Variants in RNF32 observed in about 807,000 individuals in gnomAD.
RNF32 encodes the protein ring finger protein 32.
A neutral mutation model predicts 41.0 loss-of-function variants in RNF32; 36 were observed. That is an observed-to-expected ratio of 0.88 (90% CI 0.67 to 1.16). The LOEUF (loss-of-function observed/expected upper bound fraction) is 1.16. Ranked by LOEUF, RNF32 falls within the 50% of genes most tolerant of loss-of-function variation. The pLI, the probability that RNF32 is intolerant of heterozygous loss-of-function variation, is 0.00. For missense variants in RNF32, 413 were observed against 436.7 expected, an observed-to-expected ratio of 0.95 and a Z score of 0.48; for synonymous variants, 154 against 160.9, an observed-to-expected ratio of 0.96 and a Z score of 0.32.
At chr7:156,665,846 C>T (rs1801269333) in intron 7 of RNF32, among the ~76,000 whole-genome samples, 2 of 152,194 alleles carry the variant, frequency 1.3e-5, no homozygotes, top group African/African-American at 2.4e-5. Flanking sequence ...AAAAACAAAA[C>T]ACCACGTACC....
intron 7 of RNF32, among the ~76,000 whole-genome samples, chr7:156,668,783 C>A (rs1400265971): frequency 1.3e-5 from 2 of 152,218 alleles, no homozygotes; most frequent in African/African-American, 4.8e-5. Context: ...TGTTCTATGG[C>A]AGCTGAGCAA....
chr7:156,675,915 G>A, intron 8 of RNF32, 52 bp downstream of exon 8: 1 of 1,573,502 alleles, frequency 6.4e-7, no homozygotes, highest in South Asian at 1.1e-5. Context: ...CAGCTGCAGA[G>A]GCTGTGGGGA....
intron 3 of RNF32, 68 bp from the exon 4 acceptor site, chr7:156,654,508 T>G (rs1799297720): frequency 1.4e-6 from 2 of 1,392,670 alleles, no homozygotes; most frequent in Non-Finnish European, 2.0e-6. Flanking sequence ...ATGGTGTCAT[T>G]AAAGTTATAG....
At position 156,644,561 on chromosome 7, in the gene RNF32, A is replaced by G; in HGVS notation, c.78A>G (p.Leu26=). ...VNAVALQDHI[L]HDLQLRNLSV... is the part of the protein sequence containing the mutation. ...CAGTTGCTTTACAAGATCACATTTT[A>G]CATGATCTTCAACTTCGAAATCTTT... The change falls in exon 3 of 9, where the codon TTA becomes TTG. Residue 26 remains leucine, a synonymous_variant. Coordinates refer to ENST00000317955, the MANE Select transcript of RNF32 (RefSeq NM_030936.4). 1 of 1,612,470 alleles carries G rather than the reference A, an allele frequency of 6.2e-7. No homozygotes were observed. Among genetic ancestry groups the G allele is most frequent in the East Asian group, 2.2e-5 (1 of 44,858 alleles).
rs528590513 is a variant in RNF32, at chr7:156,652,511, T to C, written c.275-2065T>C. On this transcript the variant is annotated intron_variant, in intron 3 of 8. Coordinates refer to ENST00000317955, the MANE Select transcript of RNF32 (RefSeq NM_030936.4). Reference sequence around the variant, plus strand: ...ATTTTCTGTCTCCTGATATATGTTTTTCTGTGAGATTACAGTCACGTGCCA... The same window carrying C: ...ATTTTCTGTCTCCTGATATATGTTTCTCTGTGAGATTACAGTCACGTGCCA... 5.9e-5 allele frequency among the ~76,000 whole-genome samples: 9 copies of C among 152,314 alleles called. No individual in the cohort carries two copies. The East Asian group carries it at 1.5e-3, about 26-fold the overall frequency.
At chr7:156,675,936 G>C (rs964904765) in intron 8 of RNF32, 73 bp downstream of exon 8, 3 of 1,457,714 alleles carry the variant, frequency 2.1e-6, no homozygotes, top group Admixed American at 1.7e-5. Context: ...GTGGCATGTG[G>C]GGGGAGGTCG....
At chr7:156,657,407 A>G (rs1799879673) in intron 4 of RNF32, 134 bp from the exon 5 acceptor site, 1 of 802,324 alleles carries the variant, frequency 1.2e-6, no homozygotes, top group Admixed American at 1.9e-5. Flanking sequence ...AAATAGTATA[A>G]ATATCAAAGT....
chr7:156,642,103 ATTTCT>A (rs1797423241), intron 1 of RNF32, among the ~76,000 whole-genome samples: 2 of 152,194 alleles, frequency 1.3e-5, no homozygotes, highest in African/African-American at 4.8e-5. Flanking sequence ...TTTTGGATTA[ATTTCT>A]TTCTATTTTT....
intron 1 of RNF32, among the ~76,000 whole-genome samples, chr7:156,641,994 T>C (rs752958348): frequency 6.6e-6 from 1 of 152,242 alleles, no homozygotes; most frequent in Non-Finnish European, 1.5e-5. Context: ...TCTCAGAGAT[T>C]TGGTTCCACT....
At position 156,677,013 on chromosome 7, in the gene RNF32, C is replaced by G. The variant is rs1267532832; in HGVS notation, c.*358C>G. The G allele has an allele frequency of 4.8e-6, 1 of 207,898 alleles. No homozygotes were observed. Among genetic ancestry groups the G allele is most frequent in the East Asian group, 1.1e-4 (1 of 8,924 alleles). 12.9% of individuals were successfully genotyped at this position (207,898 alleles called of 1,614,324 possible). A position where few individuals can be genotyped will look rare whatever the true frequency, so the allele number is the denominator to read the frequency against. On this transcript the variant is annotated 3_prime_UTR_variant, in exon 9 of 9. Transcript: ENST00000317955. ...CACTCCTTAAGTTCCAAATGTTTTC[C>G]GCTAATAGTCTGTCCTAAAGCCTTT... is the stretch of plus-strand genomic sequence containing the variant.
chr7:156,645,047 AG>A (rs1255482684), intron 3 of RNF32, among the ~76,000 whole-genome samples: 1 of 152,238 alleles, frequency 6.6e-6, no homozygotes, highest in Non-Finnish European at 1.5e-5. Context: ...ATGATGGAAA[AG>A]AAAAATCCCT....
intron 7 of RNF32, among the ~76,000 whole-genome samples, chr7:156,664,639 G>A (rs1360337840): frequency 2.0e-5 from 3 of 152,074 alleles, no homozygotes; most frequent in African/African-American, 7.2e-5. Context: ...CTTTTTTAAA[G>A]ATGTAATCAA....
chr7:156,648,027 TTG>T lies in RNF32; in HGVS notation c.274+3272_274+3273del, dbSNP rs1491154256. Among the ~76,000 whole-genome samples, 37 of 118,560 alleles carry T rather than the reference TTG, an allele frequency of 3.1e-4. No homozygotes were observed. The East Asian group carries it at 7.4e-3, about 24-fold the overall frequency. 77.8% of individuals were successfully genotyped at this position (118,560 alleles called of 152,430 possible). A position where few individuals can be genotyped will look rare whatever the true frequency, so the allele number is the denominator to read the frequency against. ...TTTGCCCTCTTTTTGATGGGATTAT[TTG>T]TTTTTTTTTTTTCTTGCTGATTTGT... On this transcript the variant is annotated intron_variant, in intron 3 of 8. Coordinates refer to ENST00000317955, the MANE Select transcript of RNF32 (RefSeq NM_030936.4).
At chr7:156,675,630 A>G (rs1803730310) in intron 7 of RNF32, 66 bp from the exon 8 acceptor site, 1 of 1,414,238 alleles carries the variant, frequency 7.1e-7, no homozygotes, top group Non-Finnish European at 9.9e-7. Flanking sequence ...GTCAGGCTCG[A>G]GAGCGCTTCC....
chr7:156,651,707 A>G (rs1039235283), intron 3 of RNF32, among the ~76,000 whole-genome samples: 25 of 152,136 alleles, frequency 1.6e-4, no homozygotes, highest in African/African-American at 6.0e-4. Flanking sequence ...GTGGTGTTCT[A>G]TATTACAGTT....
At chr7:156,657,330 T>C (rs1321771298) in intron 4 of RNF32, 2 of 575,650 alleles carry the variant, frequency 3.5e-6, no homozygotes, top group East Asian at 5.8e-5. Flanking sequence ...CATGTGTTTA[T>C]TTGATATTTC....
rs1802312423 is a variant in RNF32, at chr7:156,670,770, G to A, written c.685-4926G>A. ...ACCAAATGAAAGTTACATTCAAGAC[G>A]AGAGGCAAAAGAAAAGCCAGACAAA... On this transcript the variant is annotated intron_variant, in intron 7 of 8. Coordinates refer to ENST00000317955, the MANE Select transcript of RNF32 (RefSeq NM_030936.4). The surrounding 1 kb of genome is among the most constrained non-coding windows in gnomAD (Gnocchi z 4.3). 1.3e-5 allele frequency among the ~76,000 whole-genome samples: 2 copies of A among 152,202 alleles called. No individual in the cohort carries two copies. The highest frequency in any genetic ancestry group is 2.9e-5 in the Non-Finnish European group (2 of 68,046).
Position 156,669,849 on chromosome 7 carries a change from C to T in RNF32, c.685-5847C>T, listed in dbSNP as rs1288776013. ...CAGATGAGACGTGCAGTTGGGCCTG[C>T]AGCACGCAGGGCTTGGGGACTCTGT... On this transcript the variant is annotated intron_variant, in intron 7 of 8. Coordinates refer to ENST00000317955, the MANE Select transcript of RNF32 (RefSeq NM_030936.4). This position sits in a 1 kb window ranked among gnomAD's most constrained non-coding sequence, Gnocchi z 4.2. Among the ~76,000 whole-genome samples the T allele has an allele frequency of 2.0e-5, 3 of 152,176 alleles. No individual in the cohort carries two copies. Among genetic ancestry groups the T allele is most frequent in the Non-Finnish European group, 2.9e-5 (2 of 68,036 alleles).
chr7:156,657,612 G>T, intron 5 of RNF32, 39 bp downstream of exon 5: 1 of 1,599,290 alleles, frequency 6.3e-7, no homozygotes, highest in Non-Finnish European at 8.6e-7. Context: ...TGCTGCACAT[G>T]TCGCTCTCAC....
Sources: allele counts gnomAD v4.1 joint callset (sites outside exome capture counted in the v4.1 genomes callset), GRCh38; gene constraint gnomAD v4.1.1; non-coding constraint Gnocchi (gnomAD v3.1); transcripts MANE v1.5; gene names NCBI Gene and HGNC (gene_info 2026-07-23, HGNC 2026-07-21).